FRMD4A: variants seen among roughly 807,000 people sequenced by gnomAD.
FRMD4A encodes the protein FERM domain-containing protein 4A.
Under a neutral mutation model 129.1 loss-of-function variants are expected in FRMD4A, and 29 were observed. The ratio of observed to expected loss-of-function variants is 0.22; its 90% CI spans 0.17 to 0.31. FRMD4A has a LOEUF of 0.31. Among genes scored for constraint, FRMD4A ranks in the 10% least tolerant of loss-of-function variants. The pLI is 1.00. For missense variants in FRMD4A, 1,272 were observed against 1,375.8 expected (o/e 0.92, Z 1.19); for synonymous variants, 634 against 571.6 (o/e 1.11, Z -1.56).
intron 2 of FRMD4A, among the ~76,000 whole-genome samples, chr10:14,234,900 T>G (rs1015927754): frequency 6.6e-6 from 1 of 152,228 alleles, no homozygotes; most frequent in African/African-American, 2.4e-5. Context: ...GATCCACGAA[T>G]TACAGGGAAT....
intron 15 of FRMD4A, among the ~76,000 whole-genome samples, chr10:13,679,003 T>C (rs1179146591): frequency 6.6e-6 from 1 of 151,984 alleles, no homozygotes; most frequent in East Asian, 1.9e-4. Flanking sequence ...TCGAACACAT[T>C]CCTCCTACCT....
At chr10:14,196,635 G>A (rs1205276215) in intron 2 of FRMD4A, among the ~76,000 whole-genome samples, 1 of 152,194 alleles carries the variant, frequency 6.6e-6, no homozygotes, top group Admixed American at 6.5e-5. Flanking sequence ...CTATGTGGTT[G>A]TCTAAAAATC....
chr10:13,792,646 C>T (rs1210805115), intron 5 of FRMD4A, among the ~76,000 whole-genome samples: 1 of 152,216 alleles, frequency 6.6e-6, no homozygotes, highest in East Asian at 1.9e-4. Context: ...TCAGCCTTAG[C>T]AATGGACAGG....
chr10:13,899,247 A>G (rs528602361), intron 2 of FRMD4A, among the ~76,000 whole-genome samples: 3 of 152,364 alleles, frequency 2.0e-5, no homozygotes, highest in African/African-American at 7.2e-5. Flanking sequence ...CCAAAACCAC[A>G]CAACTGATAA....
intron 5 of FRMD4A, among the ~76,000 whole-genome samples, chr10:13,786,116 T>G (rs1190375862): frequency 2.6e-5 from 4 of 152,234 alleles, no homozygotes; most frequent in African/African-American, 9.6e-5. Context: ...GCATGATTTA[T>G]AATCCTTCAG....
intron 2 of FRMD4A, among the ~76,000 whole-genome samples, chr10:13,925,948 G>A (rs2095129302): frequency 6.8e-6 from 1 of 147,318 alleles, no homozygotes; most frequent in Non-Finnish European, 1.5e-5. Context: ...TTATCAATCA[G>A]TACATTTATA....
At position 14,309,205 on chromosome 10, in the gene FRMD4A, C is replaced by T. The variant is rs72780838; in HGVS notation, c.45+20853G>A. The stretch of plus-strand genomic sequence containing the variant: ...TGGCTCACGTCTGTAATCACAGCTA[C>T]GCAGGAGACCAAGGTAAGAGGATCA... On this transcript the variant is annotated intron_variant, in intron 2 of 24. Coordinates refer to ENST00000357447, the MANE Select transcript of FRMD4A (RefSeq NM_018027.5). 5.4e-3 allele frequency among the ~76,000 whole-genome samples: 823 copies of T among 152,214 alleles called. 18 individuals carry two copies. In the East Asian group the frequency reaches 0.059, roughly 11 times the overall value.
intron 2 of FRMD4A, among the ~76,000 whole-genome samples, chr10:13,915,861 T>C (rs34138646): frequency 0.096 from 14,573 of 152,078 alleles, 851 homozygotes; most frequent in African/African-American, 0.16. Context: ...CTGTGGGCGG[T>C]TGGCCTCCTG....
In FRMD4A at chr10:13,657,308, G is replaced by A. The variant is rs1304910732; in HGVS notation, c.2281C>T (p.Pro761Ser). The stretch of plus-strand genomic sequence containing the variant: ...GAGTAGTTGGCGTTCATCTGCGCCG[G>A]GTAGTAGTGCTCCGAGCTCGAGTGG... ...TSHSSSEHYY[P>S]AQMNANYSTL... Residue 761 changes from proline to serine, a missense_variant, in exon 22 of 25, where the codon CCG becomes TCG. By Grantham distance (74) the Pro-to-Ser change is moderately conservative. Around this residue, in one of 2 missense-constraint regions of FRMD4A, gnomAD observed 972 missense variants for 892.3 expected, o/e 1.09. Transcript: ENST00000357447. 1 of 1,611,198 alleles carries A rather than the reference G, an allele frequency of 6.2e-7. No homozygotes were observed. The highest frequency in any genetic ancestry group is 8.5e-7 in the Non-Finnish European group (1 of 1,179,620).
chr10:13,839,806 C>T (rs1021619838), intron 3 of FRMD4A, among the ~76,000 whole-genome samples: 43 of 152,188 alleles, frequency 2.8e-4, no homozygotes, highest in African/African-American at 8.4e-4. Flanking sequence ...AGTGATGACT[C>T]AGGTCTGAGC....
chr10:13,674,827 A>C (rs2083837181), intron 16 of FRMD4A, 84 bp downstream of exon 16: 1 of 1,405,992 alleles, frequency 7.1e-7, no homozygotes, highest in Non-Finnish European at 1.0e-6. Context: ...GTCAAATGAC[A>C]TCAAAAAGAT....
intron 2 of FRMD4A, among the ~76,000 whole-genome samples, chr10:13,865,436 T>G (rs2094353445): frequency 6.7e-6 from 1 of 148,210 alleles, no homozygotes; most frequent in Non-Finnish European, 1.5e-5. Context: ...TTATTTTATT[T>G]TATTTTATTT....
At chr10:14,187,367 A>C (rs1446270953) in intron 2 of FRMD4A, among the ~76,000 whole-genome samples, 1 of 152,206 alleles carries the variant, frequency 6.6e-6, no homozygotes, top group Non-Finnish European at 1.5e-5. Flanking sequence ...TTACTTTCCT[A>C]AGATTACAGA....
intron 2 of FRMD4A, among the ~76,000 whole-genome samples, chr10:13,873,005 A>T (rs1038052612): frequency 3.3e-5 from 5 of 151,924 alleles, no homozygotes; most frequent in Non-Finnish European, 5.9e-5. Flanking sequence ...GTGAAACGTC[A>T]TCTCTACTAC....
intron 2 of FRMD4A, among the ~76,000 whole-genome samples, chr10:14,052,610 G>T (rs1834313691): frequency 6.6e-6 from 1 of 152,160 alleles, no homozygotes; most frequent in Admixed American, 6.5e-5. Flanking sequence ...CCAGGCTGGA[G>T]CACAATGGCA....
At chr10:14,302,259 T>C (rs1359638844) in intron 2 of FRMD4A, among the ~76,000 whole-genome samples, 1 of 152,006 alleles carries the variant, frequency 6.6e-6, no homozygotes, top group East Asian at 1.9e-4. Context: ...ATCTAGTTGG[T>C]TTGGGGAAAA....
At chr10:14,021,236 A>T (rs1245438500) in intron 2 of FRMD4A, among the ~76,000 whole-genome samples, 2 of 152,098 alleles carry the variant, frequency 1.3e-5, no homozygotes, top group African/African-American at 4.8e-5. Context: ...AATAAAAAAA[A>T]TCTTTATATA....
intron 2 of FRMD4A, among the ~76,000 whole-genome samples, chr10:14,321,946 C>T (rs964089023): frequency 3.9e-5 from 6 of 152,132 alleles, no homozygotes; most frequent in Non-Finnish European, 5.9e-5. Flanking sequence ...TGTAGCACTT[C>T]CCCCTTTGCT....
At chr10:13,706,028 C>T (rs1348173571) in intron 13 of FRMD4A, among the ~76,000 whole-genome samples, 1 of 152,194 alleles carries the variant, frequency 6.6e-6, no homozygotes, top group Non-Finnish European at 1.5e-5. Context: ...AAATCTCCCT[C>T]CTGTCCAGAG....
Sources: gnomAD v4.1 joint callset for allele counts (sites outside exome capture counted in the v4.1 genomes callset) on GRCh38, gnomAD v4.1.1 for gene constraint, gnomAD v4.1.1 regional missense constraint, MANE v1.5 for transcripts, NCBI Gene and HGNC (gene_info 2026-07-23, HGNC 2026-07-21) for gene names.